NRXN1: variants seen among roughly 807,000 people sequenced by gnomAD.
NRXN1 encodes the protein neurexin-1.
In NRXN1, 39 loss-of-function variants were observed where a neutral mutation model predicts 150.9. The observed-to-expected ratio is 0.26, with a 90% CI of 0.20 to 0.34. The LOEUF is 0.34. Among genes scored for constraint, NRXN1 ranks in the 10% least tolerant of loss-of-function variants. The pLI, the probability that NRXN1 is intolerant of heterozygous loss-of-function variation, is 1.00. For missense variants in NRXN1, 1,815 were observed against 1,949.9 expected, an observed-to-expected ratio of 0.93 and a Z score of 1.30; for synonymous variants, 924 against 757.0, an observed-to-expected ratio of 1.22 and a Z score of -3.62.
chr2:50,261,897 T>G (rs1489679977), intron 17 of NRXN1, among the ~76,000 whole-genome samples: 4 of 151,828 alleles, frequency 2.6e-5, no homozygotes, highest in African/African-American at 9.7e-5. Flanking sequence ...TTTGTGACTT[T>G]GCCAAAGTTA....
chr2:49,919,149 T>A lies in NRXN1; in HGVS notation c.*2795A>T, dbSNP rs1201072774. On this transcript the variant is annotated 3_prime_UTR_variant, in exon 23 of 23. Transcript: ENST00000401669. ...GCATAATCAATCAGAAAAGTTACAG[T>A]CTAGAGATGTAATCAAATTTATGCC... The A allele has an allele frequency of 6.6e-6, 1 of 152,064 alleles. No individual in the cohort carries two copies. The highest frequency in any genetic ancestry group is 1.5e-5 in the Non-Finnish European group (1 of 67,960). The allele number at this position is 152,064 out of a possible 1,614,324, so 9.4% of individuals were successfully genotyped here.
intron 9 of NRXN1, chr2:50,548,146 T>G (rs1249053229): frequency 6.6e-6 from 1 of 152,194 alleles, no homozygotes; most frequent in Non-Finnish European, 1.5e-5. Flanking sequence ...GCACACTTAC[T>G]GTGGTTGCAT....
intron 5 of NRXN1, among the ~76,000 whole-genome samples, chr2:50,788,092 C>T (rs991517502): frequency 1.4e-4 from 21 of 151,272 alleles, no homozygotes; most frequent in South Asian, 6.3e-4. Flanking sequence ...ATCTTCCCCT[C>T]GCCACCTTTT....
intron 18 of NRXN1, among the ~76,000 whole-genome samples, chr2:50,125,586 C>T (rs114343505): frequency 0.012 from 1,795 of 152,132 alleles, 33 homozygotes; most frequent in Non-Finnish European, 0.017. Context: ...AAAGATAAAT[C>T]ACGTTTCCTT....
rs780161272 is a variant in NRXN1, at chr2:50,091,511, G to A, written c.3547-17C>T. On this transcript the variant is annotated splice_polypyrimidine_tract_variant and intron_variant, in intron 18 of 22. Coordinates refer to ENST00000401669, the MANE Select transcript of NRXN1 (RefSeq NM_001330078.2). ...TCCCTGGTGCTGTAAGAGAGGAGGG[G>A]AAAAAAGAGTTGAATTAAGTTGACT... 6.2e-7 allele frequency: 1 copy of A among 1,613,082 alleles called. No individual in the cohort carries two copies. Among genetic ancestry groups the A allele is most frequent in the Non-Finnish European group, 8.5e-7 (1 of 1,179,550 alleles).
rs148424157 is a variant in NRXN1 at position 50,109,784 on chromosome 2, A to G, written c.3547-18290T>C. On this transcript the variant is annotated intron_variant, in intron 18 of 22. Coordinates refer to ENST00000401669, the MANE Select transcript of NRXN1 (RefSeq NM_001330078.2). ...GGCCAGGGTACTATATTTAGATAGTATAAATGTATCCAGAGAGCAATCTTT... is the reference window on the plus strand; with the variant it reads ...GGCCAGGGTACTATATTTAGATAGTGTAAATGTATCCAGAGAGCAATCTTT... Among the ~76,000 whole-genome samples the G allele has an allele frequency of 4.8e-3, 734 of 152,252 alleles. 7 individuals carry two copies. The highest frequency in any genetic ancestry group is 0.017 in the African/African-American group (698 of 41,540).
At chr2:50,094,767 G>GAAAAAAA (rs10632264) in intron 18 of NRXN1, among the ~76,000 whole-genome samples, 1 of 131,472 alleles carries the variant, frequency 7.6e-6, no homozygotes, top group Admixed American at 7.4e-5. Context: ...GAAAAGAAAA[G>GAAAAAAA]AAAAAAAAAA....
intron 12 of NRXN1, among the ~76,000 whole-genome samples, chr2:50,518,076 A>G (rs2092680351): frequency 6.6e-6 from 1 of 152,134 alleles, no homozygotes; most frequent in South Asian, 2.1e-4. Context: ...ACAGACAAGG[A>G]TAAATATCTC....
intron 5 of NRXN1, among the ~76,000 whole-genome samples, chr2:50,806,092 C>G (rs1191238578): frequency 6.6e-6 from 1 of 152,166 alleles, no homozygotes; most frequent in Non-Finnish European, 1.5e-5. Flanking sequence ...ACTTTAAAAT[C>G]CACATTCCTT....
rs143775087 is a variant in NRXN1, at chr2:50,314,112, C to T, written c.3365-77142G>A. ...ATGAGAGCTTCAGAATAGGTAGATT[C>T]TGGTTGTAAGGCAGTCTTAATCTTA... On this transcript the variant is annotated intron_variant, in intron 17 of 22. Coordinates refer to ENST00000401669, the MANE Select transcript of NRXN1 (RefSeq NM_001330078.2). Among the ~76,000 whole-genome samples the T allele has an allele frequency of 1.7e-3, 261 of 152,108 alleles. 2 individuals carry two copies. In the East Asian group the frequency reaches 0.022, roughly 13 times the overall value.
At chr2:50,438,437 C>T (rs1359071340) in intron 17 of NRXN1, among the ~76,000 whole-genome samples, 1 of 151,966 alleles carries the variant, frequency 6.6e-6, no homozygotes, top group Non-Finnish European at 1.5e-5. Context: ...TGCACTGGAA[C>T]TGGGGGGAGT....
chr2:50,106,401 T>C (rs1352233978), intron 18 of NRXN1, among the ~76,000 whole-genome samples: 4 of 152,048 alleles, frequency 2.6e-5, no homozygotes, highest in Admixed American at 2.6e-4. Flanking sequence ...CTCTTTCTCC[T>C]TAATCAAAGA....
chr2:50,565,957 C>G (rs1669779633), intron 8 of NRXN1, among the ~76,000 whole-genome samples: 1 of 152,154 alleles, frequency 6.6e-6, no homozygotes, highest in Non-Finnish European at 1.5e-5. Flanking sequence ...ATTGAAGACT[C>G]CTGCATTCTT....
intron 22 of NRXN1, among the ~76,000 whole-genome samples, chr2:49,926,991 C>T (rs1669219761): frequency 6.6e-6 from 1 of 152,160 alleles, no homozygotes; most frequent in South Asian, 2.1e-4. Flanking sequence ...TGCCTCTGTG[C>T]CTTGCTCTTC....
chr2:50,573,142 G>T (rs940676716), intron 8 of NRXN1, among the ~76,000 whole-genome samples: 1 of 152,102 alleles, frequency 6.6e-6, no homozygotes, highest in East Asian at 1.9e-4. Flanking sequence ...GGTTGGGGCA[G>T]GAGGATTGCT....
intron 21 of NRXN1, among the ~76,000 whole-genome samples, chr2:49,967,586 A>G (rs1677176163): frequency 6.6e-6 from 1 of 152,084 alleles, no homozygotes. Flanking sequence ...ACAAGCATAT[A>G]CTTTTCTACT....
chr2:50,817,539 G>GGGAT (rs1205268986), intron 5 of NRXN1, among the ~76,000 whole-genome samples: 2 of 151,994 alleles, frequency 1.3e-5, no homozygotes, highest in Non-Finnish European at 2.9e-5. Flanking sequence ...ACCAAAGCTA[G>GGGAT]ACAAGGACTA....
At chr2:50,531,566 A>T in intron 10 of NRXN1, 136 bp from the exon 11 acceptor site, 1 of 698,592 alleles carries the variant, frequency 1.4e-6, no homozygotes, top group Non-Finnish European at 2.4e-6. Flanking sequence ...CATCTTCTTC[A>T]GAAATAAACA....
intron 18 of NRXN1, among the ~76,000 whole-genome samples, chr2:50,108,679 G>A (rs1050691131): frequency 1.4e-4 from 22 of 152,028 alleles, no homozygotes; most frequent in Non-Finnish European, 8.8e-5. Context: ...TGGTAAACTA[G>A]AACAATCCGT....
Sources: gnomAD v4.1 joint callset for allele counts (sites outside exome capture counted in the v4.1 genomes callset) on GRCh38, gnomAD v4.1.1 for gene constraint, MANE v1.5 for transcripts, NCBI Gene and HGNC (gene_info 2026-07-23, HGNC 2026-07-21) for gene names.